Variants in DCTN3 observed in about 807,000 individuals in gnomAD.
The protein encoded by DCTN3 is dynactin subunit 3.
DCTN3 carries 25 observed loss-of-function variants against 28.4 expected under a neutral mutation model. The observed-to-expected ratio is 0.88, with a 90% CI of 0.64 to 1.23. The LOEUF is 1.23. Ranked by LOEUF, DCTN3 falls within the 50% of genes most tolerant of loss-of-function variation. DCTN3 has a pLI of 0.00. For missense variants in DCTN3, 229 were observed against 232.0 expected, an observed-to-expected ratio of 0.99 and a Z score of 0.08; for synonymous variants, 81 against 91.4, an observed-to-expected ratio of 0.89 and a Z score of 0.65.
At position 34,616,525 on chromosome 9, in the gene DCTN3, T is replaced by C. The variant is rs780895867; in HGVS notation, c.269-412A>G. ...GCAGACTACGCCAGGCAGGTTCTGC[T>C]CAGTGGCTCTCAGAGGCATAGACAA... On this transcript the variant is annotated intron_variant, in intron 3 of 6. Transcript: ENST00000259632. The surrounding 1 kb of genome is among the most constrained non-coding windows in gnomAD (Gnocchi z 4.7). 26 of 170,312 alleles carry C rather than the reference T, an allele frequency of 1.5e-4. 1 individual carries two copies. Among genetic ancestry groups the C allele is most frequent in the South Asian group, 2.8e-4 (2 of 7,224 alleles). The allele number at this position is 170,312 out of a possible 1,614,324, so 10.6% of individuals were successfully genotyped here.
intron 4 of DCTN3, chr9:34,614,994 C>T (rs1194484662): frequency 3.7e-5 from 21 of 564,656 alleles, no homozygotes; most frequent in South Asian, 3.4e-4. Flanking sequence ...GAGGAGAAGA[C>T]AAAACCTTGG....
intron 5 of DCTN3, 154 bp from the exon 6 acceptor site, chr9:34,614,255 T>C (rs1031403602): frequency 1.3e-6 from 2 of 1,540,852 alleles, no homozygotes; most frequent in African/African-American, 1.4e-5. Context: ...ATGGGAGCAC[T>C]TTCAGGCTCC....
At chr9:34,618,813 G>A in intron 1 of DCTN3, 53 bp from the exon 2 acceptor site, 1 of 1,451,834 alleles carries the variant, frequency 6.9e-7, no homozygotes, top group Non-Finnish European at 9.7e-7. Flanking sequence ...CTCAAGGCTT[G>A]GAAAAGTTAA....
intron 3 of DCTN3, chr9:34,617,578 CCT>C (rs1364122229): frequency 8.2e-7 from 1 of 1,217,998 alleles, no homozygotes. Flanking sequence ...CCTAGAAGCT[CCT>C]CTGTCTAGTG....
intron 4 of DCTN3, chr9:34,615,680 G>A (rs150314400): frequency 2.2e-5 from 4 of 178,902 alleles, no homozygotes; most frequent in African/African-American, 9.5e-5. Context: ...GAGAGGCCGA[G>A]GCAGGTGGAT....
chr9:34,620,324 C>G (rs376673463), intron 1 of DCTN3, 45 bp downstream of exon 1: 70 of 1,573,748 alleles, frequency 4.4e-5, no homozygotes, highest in Non-Finnish European at 6.0e-5. Flanking sequence ...CAGTGGACCG[C>G]TCTTGCTCTG....
chr9:34,613,943 T>C (rs764343777), intron 6 of DCTN3, 72 bp from the exon 7 acceptor site: 40 of 1,612,802 alleles, frequency 2.5e-5, no homozygotes, highest in African/African-American at 5.3e-5. Context: ...CAGGCAAACA[T>C]AGGTGGGTAG....
intron 5 of DCTN3, chr9:34,614,441 G>T: frequency 1.6e-6 from 1 of 616,216 alleles, no homozygotes; most frequent in Non-Finnish European, 2.8e-6. Flanking sequence ...CACAGTCAAT[G>T]ACATACCATC....
chr9:34,617,648 C>A, intron 3 of DCTN3: 1 of 1,446,768 alleles, frequency 6.9e-7, no homozygotes, highest in Non-Finnish European at 9.3e-7. Context: ...TGATAGAACA[C>A]TGGACTAGCT....
intron 2 of DCTN3, 25 bp downstream of exon 2, chr9:34,618,651 G>T (rs779822792): frequency 2.5e-6 from 4 of 1,590,360 alleles, no homozygotes; most frequent in Non-Finnish European, 3.5e-6. Context: ...TGTCGGGCAG[G>T]CAGGCACATC....
chr9:34,614,668 C>T (rs1469278781), intron 5 of DCTN3, 42 bp downstream of exon 5: 7 of 1,611,130 alleles, frequency 4.3e-6, no homozygotes, highest in Middle Eastern at 3.3e-4. Context: ...TGAGGTGCTG[C>T]GCCACCTCCA....
At chr9:34,614,402 G>A in intron 5 of DCTN3, 1 of 644,770 alleles carries the variant, frequency 1.6e-6, no homozygotes, top group Non-Finnish European at 2.6e-6. Context: ...ACTAGGGCCT[G>A]GGAATAGTGA....
chr9:34,614,386 C>T (rs1820374613), intron 5 of DCTN3: 1 of 667,498 alleles, frequency 1.5e-6, no homozygotes, highest in South Asian at 2.1e-5. Flanking sequence ...TCTCTTTGAA[C>T]TTTACACTAG....
At chr9:34,614,813 C>T (rs1452330756) in intron 4 of DCTN3, 45 bp from the exon 5 acceptor site, 1 of 1,609,556 alleles carries the variant, frequency 6.2e-7, no homozygotes, top group African/African-American at 1.3e-5. Context: ...TGTGCCCTCC[C>T]CCGGGACTGC....
At position 34,613,723 on chromosome 9, in the gene DCTN3, G is replaced by GT; in HGVS notation, c.*58dup. The GT allele has an allele frequency of 6.2e-7, 1 of 1,606,326 alleles. No homozygotes were observed. The highest frequency in any genetic ancestry group is 1.1e-5 in the South Asian group (1 of 90,086). On this transcript the variant is annotated 3_prime_UTR_variant, in exon 7 of 7. Coordinates refer to ENST00000259632, the MANE Select transcript of DCTN3 (RefSeq NM_007234.5). The stretch of plus-strand genomic sequence containing the variant: ...TTCCTCTGCCTTGTAACAAAGGCAG[G>GT]TTGGCATAGGGCCCTGGAGCCTGAC...
Position 34,614,089 on chromosome 9 carries a change from C to T in DCTN3, c.424G>A (p.Glu142Lys), listed in dbSNP as rs770385074. 3.7e-6 allele frequency: 6 copies of T among 1,613,984 alleles called. No homozygotes were observed. In the South Asian group the frequency reaches 6.6e-5, roughly 18 times the overall value. Residue 142 changes from glutamate (E) to lysine (K), a missense_variant, in exon 6 of 7, where the codon GAA (glutamate) becomes AAA (lysine). Coordinates refer to ENST00000259632, the MANE Select transcript of DCTN3 (RefSeq NM_007234.5). ...AGAGCCTTGGACTCCTCAGTGATTT[C>T]CACACACTGGTCCTGTAGGGCCAAA... is the stretch of plus-strand genomic sequence containing the variant. Reference protein sequence around the residue: ...IHIQQQDQCVEITEESKALLE... With the variant: ...IHIQQQDQCVKITEESKALLE...
Position 34,614,767 on chromosome 9 carries a change from G to T in DCTN3, c.354C>A (p.Ala118=), listed in dbSNP as rs751302505. The change falls in exon 5 of 7, where the codon GCC becomes GCA. Residue 118 remains alanine (A), a splice_region_variant and synonymous_variant. Coordinates refer to ENST00000259632, the MANE Select transcript of DCTN3 (RefSeq NM_007234.5). ...VPMLDSAHIK[A]VPEHAARLQR... ...GCAGGCGGGCAGCATGCTCAGGAAC[G>T]GCTGTAAAACACAACACACACTGCT... 6.2e-7 allele frequency: 1 copy of T among 1,614,024 alleles called. No individual in the cohort carries two copies. The highest frequency in any genetic ancestry group is 8.5e-7 in the Non-Finnish European group (1 of 1,180,034).
In DCTN3 at chr9:34,620,490, G is replaced by A; in HGVS notation, c.-26C>T. 1 of 1,544,634 alleles carries A rather than the reference G, an allele frequency of 6.5e-7. No homozygotes were observed. The highest frequency in any genetic ancestry group is 8.7e-7 in the Non-Finnish European group (1 of 1,144,774). ...CGCTACTACCGACCCACCTCGGCCAGGAAACAGCCAGAGGGCGGGACGTCA... is the reference window on the plus strand; with the variant it reads ...CGCTACTACCGACCCACCTCGGCCAAGAAACAGCCAGAGGGCGGGACGTCA... On this transcript the variant is annotated 5_prime_UTR_variant, in exon 1 of 7. Coordinates refer to ENST00000259632, the MANE Select transcript of DCTN3 (RefSeq NM_007234.5).
At chr9:34,617,450 A>C (rs1186014946) in intron 3 of DCTN3, among the ~76,000 whole-genome samples, 1 of 152,258 alleles carries the variant, frequency 6.6e-6, no homozygotes, top group Admixed American at 6.5e-5. Context: ...TGCCAAGGCA[A>C]TAGTTCCTGC....
Sources: allele counts gnomAD v4.1 joint callset (sites outside exome capture counted in the v4.1 genomes callset), GRCh38; gene constraint gnomAD v4.1.1; non-coding constraint Gnocchi (gnomAD v3.1); transcripts MANE v1.5; gene names NCBI Gene and HGNC (gene_info 2026-07-23, HGNC 2026-07-21).